SLC24A2: variants seen among roughly 807,000 people sequenced by gnomAD.
SLC24A2 encodes the protein solute carrier family 24 member 2, also known as sodium/potassium/calcium exchanger 2.
Under a neutral mutation model 62.0 loss-of-function variants are expected in SLC24A2, and 36 were observed. That is an observed-to-expected ratio of 0.58 (90% CI 0.44 to 0.77). The LOEUF is 0.77. SLC24A2 is among the 30% of genes least tolerant of loss of function. The probability of loss-of-function intolerance (pLI) is 0.00; values close to 1 mark genes in which losing one functional copy is unlikely to be tolerated. For synonymous variants in SLC24A2, 358 were observed against 294.0 expected (o/e 1.22, Z -2.23); for missense variants, 846 against 817.9 (o/e 1.03, Z -0.42).
the SLC24A2 span, among the ~76,000 whole-genome samples, chr9:20,239,140 A>T: frequency 6.6e-6 from 1 of 152,232 alleles, no homozygotes; most frequent in Admixed American, 6.5e-5. Context: ...CATCCTATCC[A>T]AATAGCCACT....
intron 7 of SLC24A2, among the ~76,000 whole-genome samples, chr9:19,557,711 CTG>C (rs1387419781): frequency 6.6e-6 from 1 of 150,422 alleles, no homozygotes; most frequent in Non-Finnish European, 1.5e-5. Context: ...CAGCCTGGGT[CTG>C]TGGGTCAGAC....
intron 2 of SLC24A2, among the ~76,000 whole-genome samples, chr9:19,718,657 T>C (rs1039714872): frequency 1.3e-5 from 2 of 152,000 alleles, no homozygotes; most frequent in Admixed American, 1.3e-4. Context: ...CTGACACCTG[T>C]GGTTCTTACT....
At chr9:20,014,203 G>A in the SLC24A2 span, among the ~76,000 whole-genome samples, 8 of 152,108 alleles carry the variant, frequency 5.3e-5, no homozygotes, top group African/African-American at 1.9e-4. Flanking sequence ...GCAAGACCAT[G>A]TCTCAGCGGG....
intron 2 of SLC24A2, chr9:19,705,434 C>A (rs7853717): frequency 0.33 from 55,515 of 170,430 alleles, 9,875 homozygotes; most frequent in African/African-American, 0.44. Flanking sequence ...CCAGGGGCTG[C>A]TCATGCAGCA....
At chr9:20,113,614 G>A in the SLC24A2 span, among the ~76,000 whole-genome samples, 62 of 151,962 alleles carry the variant, frequency 4.1e-4, no homozygotes, top group Non-Finnish European at 6.2e-4. Flanking sequence ...TGTAAAATAT[G>A]GCATTATTAA....
At chr9:20,027,528 G>A in the SLC24A2 span, among the ~76,000 whole-genome samples, 5 of 152,262 alleles carry the variant, frequency 3.3e-5, no homozygotes, top group South Asian at 2.1e-4. Flanking sequence ...AGGACATTAC[G>A]TTAAGTAAAA....
rs550664816 is a variant in SLC24A2 at position 19,705,645 on chromosome 9, G to A, written c.930+80292C>T. On this transcript the variant is annotated intron_variant, in intron 2 of 10. Coordinates refer to ENST00000341998, the MANE Select transcript of SLC24A2 (RefSeq NM_020344.4). ...CAAAAGCCCCCTAGGATGAAGAAAT[G>A]AAGGACCTTTGAACATCTTTATTTC... is the stretch of plus-strand genomic sequence containing the variant. The A allele has an allele frequency of 2.7e-5, 6 of 222,712 alleles. No homozygotes were observed. In the East Asian group the frequency reaches 6.5e-4, roughly 24 times the overall value. The allele number at this position is 222,712 out of a possible 1,614,324, so 13.8% of individuals were successfully genotyped here. A position where few individuals can be genotyped will look rare whatever the true frequency, so the allele number is the denominator to read the frequency against.
chr9:20,295,836 G>A, the SLC24A2 span, among the ~76,000 whole-genome samples: 3 of 152,262 alleles, frequency 2.0e-5, no homozygotes, highest in African/African-American at 7.2e-5. Context: ...CAGCTTACAG[G>A]TTGCCTATCA....
chr9:19,738,405 G>C (rs373498378), intron 2 of SLC24A2, among the ~76,000 whole-genome samples: 9 of 152,258 alleles, frequency 5.9e-5, no homozygotes, highest in African/African-American at 2.2e-4. Context: ...TCCCGAGAGA[G>C]AGAGAACGCA....
At chr9:20,152,891 A>C in the SLC24A2 span, among the ~76,000 whole-genome samples, 1 of 151,820 alleles carries the variant, frequency 6.6e-6, no homozygotes, top group Non-Finnish European at 1.5e-5. Context: ...CTTTTGTCAA[A>C]GAGTGCCTCA....
At chr9:20,175,547 A>G in the SLC24A2 span, among the ~76,000 whole-genome samples, 2 of 152,080 alleles carry the variant, frequency 1.3e-5, no homozygotes, top group African/African-American at 4.8e-5. Flanking sequence ...ATCAAAAAAG[A>G]AATATATGTG....
At chr9:20,262,180 A>C in the SLC24A2 span, among the ~76,000 whole-genome samples, 1 of 152,240 alleles carries the variant, frequency 6.6e-6, no homozygotes, top group Admixed American at 6.5e-5. Context: ...GCTTGCTTCC[A>C]GCTTACTCAG....
the SLC24A2 span, among the ~76,000 whole-genome samples, chr9:19,803,470 C>CT: frequency 3.9e-5 from 6 of 152,074 alleles, no homozygotes; most frequent in African/African-American, 1.4e-4. Flanking sequence ...CCTTACTGGA[C>CT]TTTACATAGT....
the SLC24A2 span, among the ~76,000 whole-genome samples, chr9:19,945,923 A>G: frequency 1.3e-5 from 2 of 152,184 alleles, no homozygotes; most frequent in Admixed American, 6.5e-5. Flanking sequence ...GTAGCTTTAG[A>G]AGTAGACTGG....
At chr9:20,194,150 A>T in the SLC24A2 span, among the ~76,000 whole-genome samples, 951 of 152,188 alleles carry the variant, frequency 6.2e-3, 19 homozygotes, top group African/African-American at 0.022. Flanking sequence ...TGGACAAATC[A>T]AGGATTTAGA....
At chr9:20,174,224 A>G in the SLC24A2 span, among the ~76,000 whole-genome samples, 1 of 152,264 alleles carries the variant, frequency 6.6e-6, no homozygotes, top group African/African-American at 2.4e-5. Flanking sequence ...ACTTAAATCT[A>G]AGACCTAAAA....
intron 8 of SLC24A2, among the ~76,000 whole-genome samples, chr9:19,534,011 CT>C (rs11299468): frequency 0.81 from 122,624 of 152,148 alleles, 49,788 homozygotes; most frequent in East Asian, 1. Flanking sequence ...TGTGCAGTAG[CT>C]TTTTTGATGG....
the SLC24A2 span, among the ~76,000 whole-genome samples, chr9:20,072,817 C>T: frequency 1.3e-5 from 2 of 151,994 alleles, no homozygotes; most frequent in African/African-American, 4.8e-5. Context: ...ACAGATTCTC[C>T]CCTCACAGCC....
chr9:20,116,731 A>C, the SLC24A2 span, among the ~76,000 whole-genome samples: 3 of 152,310 alleles, frequency 2.0e-5, no homozygotes, highest in African/African-American at 7.2e-5. Context: ...TGGATGCATA[A>C]AGAAATGAAT....
Sources: allele counts gnomAD v4.1 joint callset (sites outside exome capture counted in the v4.1 genomes callset), GRCh38; gene constraint gnomAD v4.1.1; transcripts MANE v1.5; gene names NCBI Gene and HGNC (gene_info 2026-07-23, HGNC 2026-07-21).